Variants in KANK4 observed in about 807,000 individuals in gnomAD.
KANK4 encodes the protein KN motif and ankyrin repeat domains 4.
A neutral mutation model predicts 80.8 loss-of-function variants in KANK4; 50 were observed. The observed-to-expected ratio is 0.62, with a 90% CI of 0.49 to 0.78. KANK4 has a LOEUF of 0.78. KANK4 is among the 30% of genes least tolerant of loss of function. The pLI is 0.00. For synonymous variants in KANK4, 465 were observed against 506.9 expected, an observed-to-expected ratio of 0.92 and a Z score of 1.11; for missense variants, 1,196 against 1,240.1, an observed-to-expected ratio of 0.96 and a Z score of 0.53.
In KANK4 at chr1:62,305,500, G is replaced by A. The variant is rs1644444098; in HGVS notation, c.-71+13606C>T. Among the ~76,000 whole-genome samples the A allele has an allele frequency of 3.3e-5, 5 of 151,986 alleles. No homozygotes were observed. The South Asian group carries it at 8.3e-4, about 25-fold the overall frequency. On this transcript the variant is annotated intron_variant, in intron 1 of 9. Transcript: ENST00000371153. ...ATTTTTTTGTATTTTTAGTAGAGAT[G>A]GGGTTTTGCCATGTTGGCCAGGCTG...
intron 1 of KANK4, among the ~76,000 whole-genome samples, chr1:62,301,576 T>C (rs994853097): frequency 1.2e-4 from 18 of 152,048 alleles, no homozygotes; most frequent in Non-Finnish European, 2.1e-4. Flanking sequence ...GGGTGTGGGC[T>C]TTGGAGTGTG....
intron 1 of KANK4, among the ~76,000 whole-genome samples, chr1:62,294,934 G>A (rs1322694854): frequency 6.6e-6 from 1 of 152,200 alleles, no homozygotes; most frequent in African/African-American, 2.4e-5. Flanking sequence ...GTTCCATCCG[G>A]TAATACAAAG....
At chr1:62,287,391 T>C (rs2765254) in intron 1 of KANK4, among the ~76,000 whole-genome samples, 52,084 of 152,000 alleles carry the variant, frequency 0.34, 9,704 homozygotes, top group South Asian at 0.57. Flanking sequence ...ACATCACATG[T>C]AGCCCTGACC....
In KANK4 at chr1:62,266,812, G is replaced by C; in HGVS notation, c.2239C>G (p.Pro747Ala). The change falls in exon 6 of 10, where the codon CCC (proline) becomes GCC (alanine). Residue 747 changes from proline (P) to alanine (A), a missense_variant. Transcript: ENST00000371153. The stretch of plus-strand genomic sequence containing the variant: ...CATGCATTAAGAAATTCTTCTGAGG[G>C]TTTATATCTAAATAAAACAAACATA... ...VPHSKAERYK[P>A]SEEFLNACRA... 1.9e-6 allele frequency: 3 copies of C among 1,602,786 alleles called. No individual in the cohort carries two copies. The highest frequency in any genetic ancestry group is 2.6e-6 in the Non-Finnish European group (3 of 1,170,446).
intron 1 of KANK4, among the ~76,000 whole-genome samples, chr1:62,317,712 G>A (rs901171176): frequency 6.6e-5 from 10 of 152,184 alleles, no homozygotes; most frequent in African/African-American, 2.4e-4. Context: ...GACCTATCAG[G>A]TTTTCAGGGT....
At chr1:62,249,163 C>CAAA (rs10695105) in intron 8 of KANK4, among the ~76,000 whole-genome samples, 8,387 of 136,294 alleles carry the variant, frequency 0.062, 345 homozygotes, top group Middle Eastern at 0.096. Flanking sequence ...AAATCTGTCT[C>CAAA]AAAAAAAAAA....
At chr1:62,259,545 A>C (rs2666476) in intron 7 of KANK4, among the ~76,000 whole-genome samples, 1 of 151,862 alleles carries the variant, frequency 6.6e-6, no homozygotes, top group African/African-American at 2.4e-5. Context: ...CCAAAGTGCC[A>C]GGATTATAGG....
In KANK4 at chr1:62,274,445, G is replaced by T; in HGVS notation, c.659C>A (p.Ala220Glu). The T allele has an allele frequency of 2.5e-6, 4 of 1,614,208 alleles. No individual in the cohort carries two copies. Among genetic ancestry groups the T allele is most frequent in the Non-Finnish European group, 3.4e-6 (4 of 1,180,024 alleles). ...GACCAGCTCTGGAATCCGAGTTGAT[G>T]CTCGTGGGCTGGAGCTGTGGAAACC... Reference protein sequence around the residue: ...LAGFHSSSPRASTRIPELVQE... With the variant: ...LAGFHSSSPRESTRIPELVQE... The change falls in exon 3 of 10, where the codon GCA (alanine) becomes GAA (glutamate). Residue 220 changes from alanine to glutamate, a missense_variant. Physicochemically the swap from Ala to Glu is moderately radical, Grantham distance 107. Around this residue, in one of 3 missense-constraint regions of KANK4, gnomAD observed 1,154 missense variants for 1,179.6 expected, o/e 0.98. Coordinates refer to ENST00000371153, the MANE Select transcript of KANK4 (RefSeq NM_181712.5).
chr1:62,275,643 G>C (rs1461121165), intron 2 of KANK4, among the ~76,000 whole-genome samples: 1 of 152,152 alleles, frequency 6.6e-6, no homozygotes, highest in Admixed American at 6.5e-5. Context: ...ATTTAAGCTT[G>C]TGCAGATGCC....
At position 62,273,425 on chromosome 1, in the gene KANK4, A is replaced by G. The variant is rs772427412; in HGVS notation, c.1679T>C (p.Ile560Thr). 6.3e-5 allele frequency: 101 copies of G among 1,613,290 alleles called. No homozygotes were observed. The highest frequency in any genetic ancestry group is 8.3e-5 in the Non-Finnish European group (98 of 1,179,744). The change falls in exon 3 of 10, where the codon ATT becomes ACT. Residue 560 changes from isoleucine (I) to threonine (T), a missense_variant. Around this residue, in one of 3 missense-constraint regions of KANK4, gnomAD observed 1,154 missense variants for 1,179.6 expected, o/e 0.98. Coordinates refer to ENST00000371153, the MANE Select transcript of KANK4 (RefSeq NM_181712.5). ...RPPSSPTDAT[I>T]GQYVKKIQEL... ...CTGGATCTTCTTCACATACTGCCCA[A>G]TAGTGGCATCCGTTGGCGAGCTTGG...
chr1:62,276,873 C>A (rs1255991484), intron 2 of KANK4, among the ~76,000 whole-genome samples: 2 of 152,012 alleles, frequency 1.3e-5, no homozygotes, highest in Non-Finnish European at 2.9e-5. Flanking sequence ...TTTGTGGAAT[C>A]CCAAAATATA....
At chr1:62,291,765 G>A (rs1459157332) in intron 1 of KANK4, among the ~76,000 whole-genome samples, 3 of 152,062 alleles carry the variant, frequency 2.0e-5, no homozygotes, top group African/African-American at 2.4e-5. Context: ...GCACCACCAC[G>A]CCTGGCTAAT....
Position 62,274,865 on chromosome 1 carries a change from G to A in KANK4, c.239C>T (p.Ala80Val). 6.2e-7 allele frequency: 1 copy of A among 1,614,122 alleles called. No individual in the cohort carries two copies. Among genetic ancestry groups the A allele is most frequent in the Non-Finnish European group, 8.5e-7 (1 of 1,179,974 alleles). Residue 80 changes from alanine to valine, a missense_variant, in exon 3 of 10, where the codon GCT becomes GTT. Coordinates refer to ENST00000371153, the MANE Select transcript of KANK4 (RefSeq NM_181712.5). ...PRNFSLPDSG[A>V]RPPAAPPLQN... Reference sequence around the variant, plus strand: ...GAGGGGCGGGGCTGCAGGGGGGCGAGCCCCACTGTCAGGAAGGCTGAAGTT... The same window carrying A: ...GAGGGGCGGGGCTGCAGGGGGGCGAACCCCACTGTCAGGAAGGCTGAAGTT...
At chr1:62,260,674 G>A (rs976507206) in intron 7 of KANK4, among the ~76,000 whole-genome samples, 10 of 152,016 alleles carry the variant, frequency 6.6e-5, no homozygotes, top group African/African-American at 2.4e-4. Context: ...GGCACTCTCC[G>A]TCCCCTCCAT....
At chr1:62,281,146 T>G (rs929339932) in intron 2 of KANK4, among the ~76,000 whole-genome samples, 6 of 152,198 alleles carry the variant, frequency 3.9e-5, no homozygotes, top group African/African-American at 1.4e-4. Flanking sequence ...GACATGTGAA[T>G]GAACCCAGAA....
At chr1:62,254,263 T>C (rs1671696520) in intron 7 of KANK4, among the ~76,000 whole-genome samples, 1 of 152,238 alleles carries the variant, frequency 6.6e-6, no homozygotes, top group Non-Finnish European at 1.5e-5. Context: ...TTTATTTTTC[T>C]TGAGACAAGG....
chr1:62,274,124 A>G lies in KANK4; in HGVS notation c.980T>C (p.Val327Ala). The G allele has an allele frequency of 6.2e-7, 1 of 1,613,870 alleles. No individual in the cohort carries two copies. Among genetic ancestry groups the G allele is most frequent in the Non-Finnish European group, 8.5e-7 (1 of 1,179,972 alleles). Reference protein sequence around the residue: ...EVDMRSIGIRVTEESLGLARV... With the variant: ...EVDMRSIGIRATEESLGLARV... ...GGCAAGGCCCAGGCTTTCCTCAGTTACCCTGATGCCAATGCTTCTCATGTC... is the reference window on the plus strand; with the variant it reads ...GGCAAGGCCCAGGCTTTCCTCAGTTGCCCTGATGCCAATGCTTCTCATGTC... Residue 327 changes from valine to alanine, a missense_variant, in exon 3 of 10, where the codon GTA (valine) becomes GCA (alanine). Coordinates refer to ENST00000371153, the MANE Select transcript of KANK4 (RefSeq NM_181712.5).
In KANK4 at chr1:62,273,734, C is replaced by A. The variant is rs1353582695; in HGVS notation, c.1370G>T (p.Gly457Val). 3 of 1,613,990 alleles carry A rather than the reference C, an allele frequency of 1.9e-6. No individual in the cohort carries two copies. In the Admixed American group the frequency reaches 5.0e-5, roughly 27 times the overall value. ...ATTCCCTTGTTTATGACCATCTGGC[C>A]CCCATAGGAGGCCATTCTCCTCTCC... ...HRGEENGLLWGPDGHKQGNQS... is the reference protein window; with the variant it reads ...HRGEENGLLWVPDGHKQGNQS... The change falls in exon 3 of 10, where the codon GGG becomes GTG. Residue 457 changes from glycine (G) to valine (V), a missense_variant. By Grantham distance (109) the Gly-to-Val change is moderately radical. Around this residue, in one of 3 missense-constraint regions of KANK4, gnomAD observed 1,154 missense variants for 1,179.6 expected, o/e 0.98. Transcript: ENST00000371153.
At chr1:62,278,397 CTT>C (rs199777200) in intron 2 of KANK4, among the ~76,000 whole-genome samples, 7 of 29,220 alleles carry the variant, frequency 2.4e-4, no homozygotes, top group East Asian at 3.2e-3. Context: ...TTCTTTCTTT[CTT>C]TTTTTTTTTT....
Sources: gnomAD v4.1 joint callset for allele counts (sites outside exome capture counted in the v4.1 genomes callset) on GRCh38, gnomAD v4.1.1 for gene constraint, gnomAD v4.1.1 regional missense constraint, MANE v1.5 for transcripts, NCBI Gene and HGNC (gene_info 2026-07-23, HGNC 2026-07-21) for gene names.